Variants in GTF2E2 observed in about 807,000 individuals in gnomAD.
The protein encoded by GTF2E2 is transcription initiation factor IIE subunit beta.
Under a neutral mutation model 40.5 loss-of-function variants are expected in GTF2E2, and 21 were observed. The observed-to-expected ratio is 0.52, with a 90% CI of 0.37 to 0.75. GTF2E2 has a LOEUF of 0.75. Among genes scored for constraint, GTF2E2 ranks in the 30% least tolerant of loss-of-function variants. The pLI is 0.00. For synonymous variants in GTF2E2, 117 were observed against 121.6 expected, an observed-to-expected ratio of 0.96 and a Z score of 0.25; for missense variants, 298 against 338.4, an observed-to-expected ratio of 0.88 and a Z score of 0.94.
intron 6 of GTF2E2, among the ~76,000 whole-genome samples, chr8:30,602,926 C>A (rs1000188450): frequency 1.3e-5 from 2 of 152,102 alleles, no homozygotes. Context: ...CTAGCTCCAC[C>A]CCATTTTTCC....
rs7815625 is a variant in GTF2E2, at chr8:30,612,288, A to C, written c.549+11T>G. On this transcript the variant is annotated intron_variant, in intron 5 of 7. Coordinates refer to ENST00000355904, the MANE Select transcript of GTF2E2 (RefSeq NM_002095.6). The stretch of plus-strand genomic sequence containing the variant: ...AATTATATTAAGACATAGAAAGAAA[A>C]GAGAGATTACCTTGACAGCTTTCTG... The C allele has an allele frequency of 0.41, 615,676 of 1,517,018 alleles. 130,215 individuals carry two copies. Among genetic ancestry groups the C allele is most frequent in the South Asian group, 0.56 (49,010 of 87,820 alleles). 94.0% of individuals were successfully genotyped at this position (1,517,018 alleles called of 1,614,324 possible).
intron 2 of GTF2E2, among the ~76,000 whole-genome samples, chr8:30,637,519 A>T (rs1335766365): frequency 1.5e-4 from 2 of 13,498 alleles, no homozygotes; most frequent in African/African-American, 4.3e-4. Flanking sequence ...ATTTTATTTT[A>T]TTTATTTTAT....
At chr8:30,650,602 T>A (rs1265131150) in intron 2 of GTF2E2, among the ~76,000 whole-genome samples, 3 of 151,352 alleles carry the variant, frequency 2.0e-5, no homozygotes, top group Non-Finnish European at 4.4e-5. Flanking sequence ...CCCGGGAGAC[T>A]GAGGCTTGCT....
intron 1 of GTF2E2, among the ~76,000 whole-genome samples, chr8:30,655,190 C>T (rs1273981212): frequency 7.5e-6 from 1 of 132,876 alleles, no homozygotes; most frequent in Non-Finnish European, 1.7e-5. Flanking sequence ...CAGCAAAACT[C>T]TGTCTCAAAA....
intron 6 of GTF2E2, among the ~76,000 whole-genome samples, chr8:30,580,958 A>C (rs1563470155): frequency 6.6e-6 from 1 of 152,204 alleles, no homozygotes; most frequent in East Asian, 1.9e-4. Flanking sequence ...CTGTAATACA[A>C]GGAGAAAGGC....
chr8:30,654,546 G>A (rs1033666739), intron 1 of GTF2E2, among the ~76,000 whole-genome samples: 2 of 151,602 alleles, frequency 1.3e-5, no homozygotes, highest in Admixed American at 1.3e-4. Flanking sequence ...AGTACTACAG[G>A]TACACGCCAC....
intron 2 of GTF2E2, chr8:30,636,941 T>C (rs1377892499): frequency 2.2e-6 from 1 of 446,584 alleles, no homozygotes; most frequent in Non-Finnish European, 4.5e-6. Context: ...TAGTTCATTC[T>C]CCCAAGGTGT....
rs190749226 is a variant in GTF2E2 at position 30,611,110 on chromosome 8, G to A, written c.549+1189C>T. Among the ~76,000 whole-genome samples the A allele has an allele frequency of 1.5e-3, 230 of 152,292 alleles. 8 individuals are homozygous for A. Among genetic ancestry groups the A allele is most frequent in the Admixed American group, 0.013 (205 of 15,286 alleles). ...TTGGAAAAAGATTCCAAGATTCCAA[G>A]CAAACGGGCTAAGGCTAGAAGAACA... On this transcript the variant is annotated intron_variant, in intron 5 of 7. Transcript: ENST00000355904.
At chr8:30,587,655 C>A (rs1828720597) in intron 6 of GTF2E2, among the ~76,000 whole-genome samples, 1 of 151,746 alleles carries the variant, frequency 6.6e-6, no homozygotes, top group Non-Finnish European at 1.5e-5. Context: ...TGTGGATCAC[C>A]TAAGGTCAGG....
At chr8:30,585,659 C>A (rs1828660035) in intron 6 of GTF2E2, among the ~76,000 whole-genome samples, 1 of 150,504 alleles carries the variant, frequency 6.6e-6, no homozygotes, top group South Asian at 2.1e-4. Context: ...AAGAAATAAC[C>A]TAAAAATAAG....
At chr8:30,600,852 T>A (rs994653155) in intron 6 of GTF2E2, among the ~76,000 whole-genome samples, 2 of 152,218 alleles carry the variant, frequency 1.3e-5, no homozygotes, top group Non-Finnish European at 2.9e-5. Context: ...AGTGCTTCTA[T>A]TACAGACAGA....
intron 6 of GTF2E2, among the ~76,000 whole-genome samples, chr8:30,589,280 G>A (rs759671174): frequency 4.6e-5 from 7 of 152,170 alleles, no homozygotes; most frequent in Non-Finnish European, 1.0e-4. Flanking sequence ...GTATTGGCAT[G>A]GTGCAATGAC....
At chr8:30,651,540 A>G (rs1356356136) in intron 2 of GTF2E2, among the ~76,000 whole-genome samples, 2 of 152,082 alleles carry the variant, frequency 1.3e-5, no homozygotes, top group East Asian at 3.9e-4. Flanking sequence ...AGATTGCTTG[A>G]GGCCAGGAGT....
intron 3 of GTF2E2, among the ~76,000 whole-genome samples, chr8:30,630,713 CA>C (rs968047335): frequency 2.0e-5 from 3 of 151,898 alleles, no homozygotes; most frequent in Non-Finnish European, 4.4e-5. Context: ...ACAGACAAGC[CA>C]AAAAAATGGT....
In GTF2E2 at chr8:30,653,465, T is replaced by C. The variant is rs1563513580; in HGVS notation, c.134A>G (p.His45Arg). The C allele has an allele frequency of 6.2e-7, 1 of 1,613,914 alleles. No individual in the cohort carries two copies. The highest frequency in any genetic ancestry group is 8.5e-7 in the Non-Finnish European group (1 of 1,179,840). ...SSKKKKTKVE[H>R]GGSSGSKQNS... ...TTGTTTAGAGCCTGACGATCCTCCA[T>C]GTTCTACCTTTGTTTTCTTCTTCTT... Residue 45 changes from histidine to arginine, a missense_variant, in exon 2 of 8, where the codon CAT becomes CGT. Transcript: ENST00000355904.
In GTF2E2 at chr8:30,624,370, T is replaced by C. The variant is rs1297520886; in HGVS notation, c.259-9655A>G. On this transcript the variant is annotated intron_variant, in intron 3 of 7. Transcript: ENST00000355904. ...GGCTCTGTTCTGTTCCATTGGTCTG[T>C]ATCTCTGTTTTGGTACCAGTACCAT... Among the ~76,000 whole-genome samples, 3 of 152,110 alleles carry C rather than the reference T, an allele frequency of 2.0e-5. No homozygotes were observed. In the East Asian group the frequency reaches 5.8e-4, roughly 29 times the overall value.
At chr8:30,622,602 G>A (rs1316498985) in intron 3 of GTF2E2, among the ~76,000 whole-genome samples, 3 of 151,968 alleles carry the variant, frequency 2.0e-5, no homozygotes, top group Admixed American at 6.6e-5. Flanking sequence ...TATTGGGCGG[G>A]AATTTCCTCG....
chr8:30,627,468 A>AAAAAC (rs1563496848), intron 3 of GTF2E2, among the ~76,000 whole-genome samples: 5 of 151,148 alleles, frequency 3.3e-5, no homozygotes, highest in Non-Finnish European at 4.4e-5. Flanking sequence ...AAAAAAAAAA[A>AAAAAC]AAACTCAGGA....
chr8:30,625,769 T>C (rs1452391546), intron 3 of GTF2E2, among the ~76,000 whole-genome samples: 2 of 152,132 alleles, frequency 1.3e-5, no homozygotes, highest in African/African-American at 4.8e-5. Context: ...CAGGTAATTT[T>C]TGTATTTTTA....
Sources: gnomAD v4.1 joint callset for allele counts (sites outside exome capture counted in the v4.1 genomes callset) on GRCh38, gnomAD v4.1.1 for gene constraint, MANE v1.5 for transcripts, NCBI Gene and HGNC (gene_info 2026-07-23, HGNC 2026-07-21) for gene names.